The following CNTN5 variants were observed in gnomAD, a reference collection of about 807,000 sequenced individuals.
The protein encoded by CNTN5 is contactin-5.
A neutral mutation model predicts 129.1 loss-of-function variants in CNTN5; 77 were observed. The observed-to-expected ratio is 0.60, with a 90% confidence interval of 0.50 to 0.72. CNTN5 has a LOEUF of 0.72. CNTN5 is among the 30% of genes least tolerant of loss of function. The pLI is 0.00. For synonymous variants in CNTN5, 509 were observed against 465.6 expected (o/e 1.09, Z -1.20); for missense variants, 1,478 against 1,328.8 (o/e 1.11, Z -1.75).
At chr11:100,303,819 A>G (rs2138906388) in intron 20 of CNTN5, among the ~76,000 whole-genome samples, 2 of 151,748 alleles carry the variant, frequency 1.3e-5, no homozygotes, top group East Asian at 3.9e-4. Flanking sequence ...AAAATTAATA[A>G]ATTGACATGT....
intron 1 of CNTN5, among the ~76,000 whole-genome samples, chr11:99,107,912 C>G (rs1416624290): frequency 8.8e-6 from 1 of 114,142 alleles, no homozygotes; most frequent in East Asian, 2.7e-4. Flanking sequence ...GCCTGGGCAA[C>G]AGAGCGAGAC....
intron 4 of CNTN5, among the ~76,000 whole-genome samples, chr11:99,833,362 A>T (rs539645035): frequency 1.3e-5 from 2 of 152,188 alleles, no homozygotes; most frequent in Non-Finnish European, 2.9e-5. Context: ...TTTTAACTTT[A>T]TGATGGTGTG....
At chr11:100,148,024 T>G (rs570551109) in intron 13 of CNTN5, among the ~76,000 whole-genome samples, 2 of 152,304 alleles carry the variant, frequency 1.3e-5, no homozygotes, top group Admixed American at 1.3e-4. Flanking sequence ...CCCCTTTATC[T>G]CATTCATTCT....
Position 99,363,049 on chromosome 11 carries a change from GA to G in CNTN5, c.-71+37574del, listed in dbSNP as rs917446582. Among the ~76,000 whole-genome samples the G allele has an allele frequency of 1.1e-4, 17 of 150,726 alleles. No individual in the cohort carries two copies. The East Asian group carries it at 2.9e-3, about 26-fold the overall frequency. ...TTTTGATGTATTTTCCAGTTTGTGG[GA>G]AAAAAAAATCCGTAGGATTTTGATA... is the stretch of plus-strand genomic sequence containing the variant. On this transcript the variant is annotated intron_variant, in intron 2 of 24. Coordinates refer to ENST00000524871, the MANE Select transcript of CNTN5 (RefSeq NM_014361.4).
intron 23 of CNTN5, among the ~76,000 whole-genome samples, chr11:100,350,397 C>T (rs1952380145): frequency 6.6e-6 from 1 of 151,572 alleles, no homozygotes; most frequent in African/African-American, 2.4e-5. Context: ...TTTTATCTTA[C>T]CTCTTTCTGG....
intron 2 of CNTN5, among the ~76,000 whole-genome samples, chr11:99,440,673 C>CT (rs144979211): frequency 0.054 from 8,136 of 150,080 alleles, 282 homozygotes; most frequent in South Asian, 0.086. Context: ...TCTTACATAA[C>CT]TTTTTTTTTT....
chr11:99,695,967 GT>G (rs890583020), intron 3 of CNTN5, among the ~76,000 whole-genome samples: 8 of 151,944 alleles, frequency 5.3e-5, no homozygotes, highest in Non-Finnish European at 7.4e-5. Context: ...CTTGTATATG[GT>G]AAGCACCATA....
At chr11:99,843,283 T>G (rs1457262935) in intron 4 of CNTN5, among the ~76,000 whole-genome samples, 1 of 152,202 alleles carries the variant, frequency 6.6e-6, no homozygotes, top group Non-Finnish European at 1.5e-5. Flanking sequence ...TACTCGTCAG[T>G]ACATGCTCAT....
intron 1 of CNTN5, among the ~76,000 whole-genome samples, chr11:99,190,801 G>T (rs867008927): frequency 1.1e-4 from 17 of 151,386 alleles, no homozygotes; most frequent in African/African-American, 4.1e-4. Context: ...AGTCTTTAGG[G>T]ATTTCTATAT....
At chr11:99,571,121 G>A (rs1949162703) in intron 3 of CNTN5, among the ~76,000 whole-genome samples, 1 of 152,194 alleles carries the variant, frequency 6.6e-6, no homozygotes, top group South Asian at 2.1e-4. Context: ...AAGGCAGCCT[G>A]CTTTCTGCTT....
At chr11:99,502,545 G>T (rs991468681) in intron 2 of CNTN5, among the ~76,000 whole-genome samples, 2 of 152,086 alleles carry the variant, frequency 1.3e-5, no homozygotes, top group Non-Finnish European at 2.9e-5. Flanking sequence ...TGAGAGGAAG[G>T]TGCCTTGCTT....
intron 1 of CNTN5, among the ~76,000 whole-genome samples, chr11:99,243,825 C>CT (rs1301550989): frequency 5.3e-5 from 8 of 149,744 alleles, no homozygotes; most frequent in Non-Finnish European, 8.9e-5. Flanking sequence ...GTCTGTATGC[C>CT]TTTTTTTCTT....
chr11:100,314,753 G>T (rs557873325), intron 21 of CNTN5, among the ~76,000 whole-genome samples: 3 of 152,050 alleles, frequency 2.0e-5, no homozygotes, highest in Non-Finnish European at 2.9e-5. Flanking sequence ...TCTCCCTCCT[G>T]CAAGTTGCTA....
chr11:99,885,754 T>C (rs986844851), intron 6 of CNTN5, among the ~76,000 whole-genome samples: 2 of 152,020 alleles, frequency 1.3e-5, no homozygotes, highest in Non-Finnish European at 2.9e-5. Context: ...AGACAAAAAA[T>C]ATATTAAGAA....
chr11:99,362,822 T>C (rs1440238184), intron 2 of CNTN5, among the ~76,000 whole-genome samples: 1 of 152,028 alleles, frequency 6.6e-6, no homozygotes, highest in Non-Finnish European at 1.5e-5. Context: ...CAGAAACAAA[T>C]TGTGCATATG....
chr11:99,944,838 C>G (rs907349718), intron 7 of CNTN5, among the ~76,000 whole-genome samples: 1 of 152,118 alleles, frequency 6.6e-6, no homozygotes, highest in Non-Finnish European at 1.5e-5. Flanking sequence ...GAACTACAAA[C>G]TACTGCTCAA....
chr11:100,318,242 G>GAAA (rs66824133), intron 21 of CNTN5, among the ~76,000 whole-genome samples: 1,646 of 76,438 alleles, frequency 0.022, 81 homozygotes, highest in African/African-American at 0.081. Flanking sequence ...CTCTGTCTCA[G>GAAA]AAAAAAAAAA....
intron 18 of CNTN5, among the ~76,000 whole-genome samples, chr11:100,295,724 T>C (rs1468756263): frequency 6.6e-6 from 1 of 151,250 alleles, no homozygotes; most frequent in Non-Finnish European, 1.5e-5. Context: ...TAGAAAAGGA[T>C]CTTCAATGCC....
intron 3 of CNTN5, among the ~76,000 whole-genome samples, chr11:99,747,834 T>C (rs1455985469): frequency 6.6e-6 from 1 of 152,224 alleles, no homozygotes; most frequent in Non-Finnish European, 1.5e-5. Flanking sequence ...TTGAGTGTGA[T>C]ATTAGATTTG....
Sources: gnomAD v4.1 joint callset for allele counts (sites outside exome capture counted in the v4.1 genomes callset) on GRCh38, gnomAD v4.1.1 for gene constraint, MANE v1.5 for transcripts, NCBI Gene and HGNC (gene_info 2026-07-23, HGNC 2026-07-21) for gene names.